The following DCBLD1 variants were observed in gnomAD, a reference collection of about 807,000 sequenced individuals.
DCBLD1 encodes the protein discoidin, CUB and LCCL domain containing 1.
A neutral mutation model predicts 71.5 loss-of-function variants in DCBLD1; 57 were observed. The ratio of observed to expected loss-of-function variants is 0.80; its 90% CI spans 0.64 to 0.99. The LOEUF is 0.99. DCBLD1 is among the 50% of genes least tolerant of loss of function. The pLI, the probability that DCBLD1 is intolerant of heterozygous loss-of-function variation, is 0.00. For synonymous variants in DCBLD1, 380 were observed against 363.8 expected (o/e 1.04, Z -0.51); for missense variants, 891 against 923.5 (o/e 0.96, Z 0.46).
chr6:117,482,959 G>GCGGGT, intron 1 of DCBLD1, 66 bp downstream of exon 1: 1 of 635,180 alleles, frequency 1.6e-6, no homozygotes, highest in Non-Finnish European at 1.9e-6. Flanking sequence ...GGGCTGCGGG[G>GCGGGT]CGGGCCGGGC....
intron 14 of DCBLD1, among the ~76,000 whole-genome samples, chr6:117,565,129 A>C (rs1779669616): frequency 6.6e-6 from 1 of 152,208 alleles, no homozygotes; most frequent in East Asian, 1.9e-4. Context: ...AGGTTAATAT[A>C]AATAACATTT....
At chr6:117,501,493 C>T (rs905366878) in intron 1 of DCBLD1, among the ~76,000 whole-genome samples, 2 of 152,018 alleles carry the variant, frequency 1.3e-5, no homozygotes, top group African/African-American at 4.8e-5. Flanking sequence ...GCTACCATGC[C>T]CAGCTAATTT....
intron 1 of DCBLD1, among the ~76,000 whole-genome samples, chr6:117,500,683 G>A (rs558034913): frequency 2.0e-5 from 3 of 152,178 alleles, no homozygotes; most frequent in East Asian, 1.9e-4. Context: ...TGGCTAACAC[G>A]GTGAAACCCC....
intron 2 of DCBLD1, 31 bp downstream of exon 2, chr6:117,504,010 A>G (rs1324552476): frequency 5.0e-6 from 8 of 1,610,370 alleles, no homozygotes; most frequent in Non-Finnish European, 5.9e-6. Flanking sequence ...TTCTCTGAGC[A>G]TCAAAATTTT....
intron 8 of DCBLD1, 146 bp downstream of exon 8, chr6:117,538,981 A>G (rs1778999229): frequency 1.1e-6 from 1 of 919,114 alleles, no homozygotes; most frequent in Non-Finnish European, 1.6e-6. Context: ...ACAAATCTTT[A>G]CATTCTTTCT....
rs995331210 is a variant in DCBLD1, at chr6:117,541,463, C to T, written c.1357+438C>T. Among the ~76,000 whole-genome samples the T allele has an allele frequency of 7.2e-5, 11 of 152,270 alleles. No homozygotes were observed. In the South Asian group the frequency reaches 2.3e-3, roughly 32 times the overall value. On this transcript the variant is annotated intron_variant, in intron 11 of 14. Transcript: ENST00000338728. ...AGAAACAAAGAATAAATATTCATTCCAGTATCTCTAGAAAAATTTCAAGAA... is the reference window on the plus strand; with the variant it reads ...AGAAACAAAGAATAAATATTCATTCTAGTATCTCTAGAAAAATTTCAAGAA...
At chr6:117,554,350 C>T (rs1779468707), downstream of DCBLD1, among the ~76,000 whole-genome samples, 1 of 152,124 alleles carries the variant, frequency 6.6e-6, no homozygotes, top group Non-Finnish European at 1.5e-5. Context: ...TTGAGGTAAA[C>T]TTTATTATGT....
At position 117,569,643 on chromosome 6, in the gene DCBLD1, T is replaced by C. The variant is rs761284104; in HGVS notation, c.*19T>C. ...AGGTTAACTCCGTTGACTGCCAAAA[T>C]AGCATCCCCAACGTGCAGCCCTCCG... On this transcript the variant is annotated 3_prime_UTR_variant, in exon 15 of 15. Transcript: ENST00000296955. The C allele has an allele frequency of 8.1e-6, 13 of 1,613,308 alleles. No individual in the cohort carries two copies. In the South Asian group the frequency reaches 1.1e-4, roughly 14 times the overall value.
rs1298202191 is a variant in DCBLD1, at chr6:117,482,737, C to T, written c.-45C>T. The T allele has an allele frequency of 8.9e-7, 1 of 1,117,702 alleles. No homozygotes were observed. The highest frequency in any genetic ancestry group is 1.1e-6 in the Non-Finnish European group (1 of 915,424). The allele number at this position is 1,117,702 out of a possible 1,614,324, so 69.2% of individuals were successfully genotyped here. Reference sequence around the variant, plus strand: ...GCCCGGGCAGCTGCGGCTCGGGATCCGTCGAGGGGAGGCCGAGCTTGCCAA... The same window carrying T: ...GCCCGGGCAGCTGCGGCTCGGGATCTGTCGAGGGGAGGCCGAGCTTGCCAA... On this transcript the variant is annotated 5_prime_UTR_variant, in exon 1 of 15. Transcript: ENST00000338728.
chr6:117,519,804 C>A lies in DCBLD1; in HGVS notation c.326-12C>A, dbSNP rs1259092493. The A allele has an allele frequency of 7.5e-6, 12 of 1,599,282 alleles. No individual in the cohort carries two copies. The highest frequency in any genetic ancestry group is 1.3e-5 in the African/African-American group (1 of 74,702). On this transcript the variant is annotated splice_polypyrimidine_tract_variant and intron_variant, in intron 2 of 14. Coordinates refer to ENST00000338728, the MANE Select transcript of DCBLD1 (RefSeq NM_001366458.2). Reference sequence around the variant, plus strand: ...AATTTTGAAATGTGCCACAAGTGTGCTTTGTTTTTAGGTCCATACTGTGGA... The same window carrying A: ...AATTTTGAAATGTGCCACAAGTGTGATTTGTTTTTAGGTCCATACTGTGGA...
intron 14 of DCBLD1, among the ~76,000 whole-genome samples, chr6:117,555,336 C>A (rs1467136860): frequency 2.6e-5 from 4 of 152,048 alleles, no homozygotes; most frequent in African/African-American, 9.7e-5. Context: ...GTTTAGTCAG[C>A]AGTTTGCCTT....
rs1036949362 is a variant in DCBLD1, at chr6:117,548,141, C to T, written c.1850C>T (p.Ala617Val). The T allele has an allele frequency of 1.5e-5, 24 of 1,549,984 alleles. No homozygotes were observed. The African/African-American group carries it at 2.7e-4, about 18-fold the overall frequency. Residue 617 changes from alanine to valine, a missense_variant, in exon 15 of 15, where the codon GCG becomes GTG. By Grantham distance (64) the Ala-to-Val change is moderately conservative. Transcript: ENST00000338728. Reference protein sequence around the residue: ...RHVLRAHTFSAQSGYRVPGPQ... With the variant: ...RHVLRAHTFSVQSGYRVPGPQ... ...GTGCTGCGCGCCCACACGTTCTCTG[C>T]GCAGAGCGGCTACCGCGTCCCAGGG...
chr6:117,563,641 G>A (rs955167848), intron 14 of DCBLD1, among the ~76,000 whole-genome samples: 5 of 151,886 alleles, frequency 3.3e-5, no homozygotes, highest in African/African-American at 1.2e-4. Context: ...AGAATCACTT[G>A]AAGCCAGGAA....
intron 14 of DCBLD1, among the ~76,000 whole-genome samples, chr6:117,560,096 A>G (rs1779553608): frequency 6.6e-6 from 1 of 152,228 alleles, no homozygotes. Context: ...ATACCCTTTT[A>G]AATAGTATCT....
chr6:117,487,817 A>G (rs1257536748), intron 1 of DCBLD1, among the ~76,000 whole-genome samples: 3 of 150,966 alleles, frequency 2.0e-5, no homozygotes, highest in Admixed American at 6.6e-5. Context: ...TTTTTTCATT[A>G]GACTGAGGAG....
chr6:117,549,554 A>G lies in DCBLD1; in HGVS notation c.*1115A>G. On this transcript the variant is annotated 3_prime_UTR_variant, in exon 15 of 15. Transcript: ENST00000338728. ...GGAGATTTAACCTCTTTTGCCAAAG[A>G]GGGAAGTGTGTGTGTTTTTTTAATA... 12 of 985,368 alleles carry G rather than the reference A, an allele frequency of 1.2e-5. No homozygotes were observed. Among genetic ancestry groups the G allele is most frequent in the Non-Finnish European group, 1.4e-5 (12 of 829,908 alleles). The allele number at this position is 985,368 out of a possible 1,614,324, so 61.0% of individuals were successfully genotyped here. A position where few individuals can be genotyped will look rare whatever the true frequency, so the allele number is the denominator to read the frequency against.
intron 14 of DCBLD1, among the ~76,000 whole-genome samples, chr6:117,546,117 A>AAT (rs1478624760): frequency 4.6e-5 from 7 of 152,230 alleles, no homozygotes; most frequent in Non-Finnish European, 1.0e-4. Context: ...TGTAAAATGC[A>AAT]ATATAAAATA....
chr6:117,532,685 C>T (rs1028404782), intron 6 of DCBLD1, among the ~76,000 whole-genome samples: 1 of 152,154 alleles, frequency 6.6e-6, no homozygotes, highest in Non-Finnish European at 1.5e-5. Flanking sequence ...AAAATAAAGG[C>T]TTAATCCTTT....
chr6:117,562,482 A>C, intron 14 of DCBLD1: 1 of 203,504 alleles, frequency 4.9e-6, no homozygotes. Flanking sequence ...GCTCAACATG[A>C]ATGGGTAAAT....
Sources: gnomAD v4.1 joint callset for allele counts (sites outside exome capture counted in the v4.1 genomes callset) on GRCh38, gnomAD v4.1.1 for gene constraint, MANE v1.5 for transcripts, NCBI Gene and HGNC (gene_info 2026-07-23, HGNC 2026-07-21) for gene names.